The following SPOCK1 variants were observed in gnomAD, a reference collection of about 807,000 sequenced individuals.
The protein encoded by SPOCK1 is testican-1.
A neutral mutation model predicts 55.3 loss-of-function variants in SPOCK1; 23 were observed. The ratio of observed to expected loss-of-function variants is 0.42; its 90% CI spans 0.30 to 0.59. The LOEUF is 0.59. Ranked by LOEUF, SPOCK1 falls within the 20% of genes least tolerant of loss-of-function variation. The pLI is 0.22. For synonymous variants in SPOCK1, 226 were observed against 221.0 expected, an observed-to-expected ratio of 1.02 and a Z score of -0.20; for missense variants, 499 against 552.5, an observed-to-expected ratio of 0.90 and a Z score of 0.97.
At chr5:137,428,641 G>A (rs1580922083) in intron 2 of SPOCK1, among the ~76,000 whole-genome samples, 1 of 152,124 alleles carries the variant, frequency 6.6e-6, no homozygotes, top group Admixed American at 6.5e-5. Flanking sequence ...GTTCATCCCT[G>A]TTAGGCATTA....
intron 5 of SPOCK1, among the ~76,000 whole-genome samples, chr5:137,068,143 G>T (rs1023861989): frequency 6.6e-6 from 1 of 152,092 alleles, no homozygotes; most frequent in Admixed American, 6.5e-5. Flanking sequence ...AGTCCTATCT[G>T]GTCCAGGAAC....
intron 6 of SPOCK1, among the ~76,000 whole-genome samples, chr5:137,060,907 G>A (rs1460189055): frequency 6.6e-6 from 1 of 152,226 alleles, no homozygotes; most frequent in Non-Finnish European, 1.5e-5. Flanking sequence ...GTCAAAGTCA[G>A]CAGTTACCTC....
chr5:137,338,429 T>C (rs1038039253), intron 2 of SPOCK1, among the ~76,000 whole-genome samples: 2 of 152,056 alleles, frequency 1.3e-5, no homozygotes, highest in Non-Finnish European at 2.9e-5. Context: ...TGATGGACAT[T>C]TGGGTTGGTT....
intron 2 of SPOCK1, among the ~76,000 whole-genome samples, chr5:137,374,321 C>T (rs1751266087): frequency 6.6e-6 from 1 of 152,284 alleles, no homozygotes; most frequent in African/African-American, 2.4e-5. Context: ...AAGATGAAGC[C>T]CCAGGCAGTC....
chr5:137,351,525 T>A (rs1651338165), intron 2 of SPOCK1, among the ~76,000 whole-genome samples: 1 of 152,178 alleles, frequency 6.6e-6, no homozygotes, highest in African/African-American at 2.4e-5. Context: ...CAAGGAGTAT[T>A]GCATTCTCCA....
At chr5:137,474,339 T>C (rs1369981918) in intron 2 of SPOCK1, among the ~76,000 whole-genome samples, 2 of 152,150 alleles carry the variant, frequency 1.3e-5, no homozygotes, top group East Asian at 1.9e-4. Context: ...AATAAGTAAA[T>C]GTATTGATAT....
intron 2 of SPOCK1, among the ~76,000 whole-genome samples, chr5:137,453,455 G>A (rs1361076528): frequency 1.3e-5 from 2 of 152,110 alleles, no homozygotes; most frequent in Non-Finnish European, 2.9e-5. Context: ...CAATGTCTAA[G>A]ACCAAGAAAA....
chr5:137,077,432 C>T (rs929825127), intron 5 of SPOCK1, among the ~76,000 whole-genome samples: 20 of 152,180 alleles, frequency 1.3e-4, no homozygotes, highest in Admixed American at 3.9e-4. Flanking sequence ...TGGTGCTGAC[C>T]GGCAGGGAAG....
At chr5:137,399,940 T>C (rs984305664) in intron 2 of SPOCK1, among the ~76,000 whole-genome samples, 7 of 152,192 alleles carry the variant, frequency 4.6e-5, no homozygotes, top group Non-Finnish European at 5.9e-5. Flanking sequence ...TTGTTAACTC[T>C]GGGAGAGTTA....
chr5:137,163,420 C>A (rs1754595034), intron 3 of SPOCK1, among the ~76,000 whole-genome samples: 1 of 152,102 alleles, frequency 6.6e-6, no homozygotes, highest in Admixed American at 6.5e-5. Context: ...TACCTTTATA[C>A]AAGATATTTT....
chr5:137,160,659 CAATATAT>C (rs1465986120), intron 3 of SPOCK1, among the ~76,000 whole-genome samples: 2,731 of 70,452 alleles, frequency 0.039, 148 homozygotes, highest in African/African-American at 0.14. Flanking sequence ...ATATAATATA[CAATATAT>C]AATATATAAT....
At chr5:137,065,295 C>T (rs1752486404) in intron 6 of SPOCK1, among the ~76,000 whole-genome samples, 1 of 151,476 alleles carries the variant, frequency 6.6e-6, no homozygotes, top group Non-Finnish European at 1.5e-5. Context: ...ATTATTTTCT[C>T]CTGCATTAGG....
In SPOCK1 at chr5:136,980,281, T is replaced by C. The variant is rs192720461; in HGVS notation, c.992-812A>G. 9.7e-4 allele frequency among the ~76,000 whole-genome samples: 147 copies of C among 152,300 alleles called. 1 individual carries two copies. Among genetic ancestry groups the C allele is most frequent in the African/African-American group, 3.3e-3 (136 of 41,558 alleles). On this transcript the variant is annotated intron_variant, in intron 9 of 10. Coordinates refer to ENST00000394945, the MANE Select transcript of SPOCK1 (RefSeq NM_004598.4). ...CTAATTTTTCACTTTAAATCTTGAATGGGTACTACTGATATTACATTTTTA... is the reference window on the plus strand; with the variant it reads ...CTAATTTTTCACTTTAAATCTTGAACGGGTACTACTGATATTACATTTTTA...
At chr5:137,135,947 A>G (rs1401962308) in intron 4 of SPOCK1, among the ~76,000 whole-genome samples, 1 of 152,214 alleles carries the variant, frequency 6.6e-6, no homozygotes, top group Non-Finnish European at 1.5e-5. Flanking sequence ...GCTGATATGA[A>G]CATGCAGGAG....
intron 3 of SPOCK1, among the ~76,000 whole-genome samples, chr5:137,187,602 C>T (rs183668771): frequency 1.4e-3 from 209 of 152,286 alleles, no homozygotes; most frequent in African/African-American, 4.8e-3. Context: ...GCAACTGTAA[C>T]TCATACATGT....
At chr5:137,426,455 C>A (rs1382480350) in intron 2 of SPOCK1, among the ~76,000 whole-genome samples, 1 of 152,152 alleles carries the variant, frequency 6.6e-6, no homozygotes, top group Non-Finnish European at 1.5e-5. Flanking sequence ...GAAATGAGGG[C>A]TTTTCAGGGC....
chr5:137,442,114 C>T (rs1308862133), intron 2 of SPOCK1, among the ~76,000 whole-genome samples: 1 of 152,260 alleles, frequency 6.6e-6, no homozygotes, highest in Non-Finnish European at 1.5e-5. Context: ...ATCCATTCCT[C>T]CTGGGACTTC....
At chr5:137,228,486 C>CA (rs558444797) in intron 3 of SPOCK1, among the ~76,000 whole-genome samples, 2 of 152,068 alleles carry the variant, frequency 1.3e-5, no homozygotes, top group Admixed American at 1.3e-4. Flanking sequence ...ACTAAAAATA[C>CA]AAAAAATTTA....
At position 137,193,946 on chromosome 5, in the gene SPOCK1, T is replaced by C. The variant is rs562935635; in HGVS notation, c.233-53252A>G. Among the ~76,000 whole-genome samples, 4 of 151,950 alleles carry C rather than the reference T, an allele frequency of 2.6e-5. No individual in the cohort carries two copies. In the South Asian group the frequency reaches 8.3e-4, roughly 32 times the overall value. On this transcript the variant is annotated intron_variant, in intron 3 of 10. Transcript: ENST00000394945. ...AGATTTAATAGTGTGGAAATTAGAA[T>C]GGGTGAGAGATGACGTGGCAATCAT... is the stretch of plus-strand genomic sequence containing the variant.
Sources: allele counts gnomAD v4.1 joint callset (sites outside exome capture counted in the v4.1 genomes callset), GRCh38; gene constraint gnomAD v4.1.1; transcripts MANE v1.5; gene names NCBI Gene and HGNC (gene_info 2026-07-23, HGNC 2026-07-21).